The following DOCK1 variants were observed in gnomAD, a reference collection of about 807,000 sequenced individuals.
The protein encoded by DOCK1 is dedicator of cytokinesis 1.
Under a neutral mutation model 262.7 loss-of-function variants are expected in DOCK1, and 138 were observed. The observed-to-expected ratio is 0.53, with a 90% CI of 0.46 to 0.61. DOCK1 has a LOEUF of 0.61. Among genes scored for constraint, DOCK1 ranks in the 20% least tolerant of loss-of-function variants. The pLI, the probability that DOCK1 is intolerant of heterozygous loss-of-function variation, is 0.00. For synonymous variants in DOCK1, 866 were observed against 867.4 expected (o/e 1.00, Z 0.03); for missense variants, 1,908 against 2,370.7 (o/e 0.80, Z 4.05).
At position 127,440,511 on chromosome 10, in the gene DOCK1, C is replaced by T. The variant is rs191603041; in HGVS notation, c.5259+1286C>T. The stretch of plus-strand genomic sequence containing the variant: ...TCAAAGGTGAAGTCAGGATTGGAGC[C>T]GCCCTCCCTGGAAATGGGTGGGTGT... On this transcript the variant is annotated intron_variant, in intron 49 of 51. Transcript: ENST00000623213. Among the ~76,000 whole-genome samples the T allele has an allele frequency of 5.9e-5, 9 of 152,232 alleles. No homozygotes were observed. In the East Asian group the frequency reaches 9.7e-4, roughly 16 times the overall value.
chr10:127,125,111 C>T (rs764280607), intron 25 of DOCK1, among the ~76,000 whole-genome samples: 61 of 152,082 alleles, frequency 4.0e-4, no homozygotes, highest in Non-Finnish European at 5.1e-4. Context: ...AGCAAGACTC[C>T]GTCTCAAAAA....
chr10:127,378,354 G>T (rs35769599), intron 35 of DOCK1, among the ~76,000 whole-genome samples: 24,164 of 152,222 alleles, frequency 0.16, 1,971 homozygotes, highest in East Asian at 0.25. Flanking sequence ...TCCCAATGGG[G>T]TTCCTCTGGG....
chr10:127,098,015 T>G (rs531864621), intron 23 of DOCK1, among the ~76,000 whole-genome samples: 1 of 152,300 alleles, frequency 6.6e-6, no homozygotes, highest in African/African-American at 2.4e-5. Flanking sequence ...TCCTTCCCAC[T>G]TTCGTCCCTC....
intron 38 of DOCK1, among the ~76,000 whole-genome samples, chr10:127,389,737 C>T (rs1018872743): frequency 6.6e-6 from 1 of 152,020 alleles, no homozygotes; most frequent in Non-Finnish European, 1.5e-5. Flanking sequence ...TGGGACCGGC[C>T]GGGCGTGGTG....
intron 1 of DOCK1, among the ~76,000 whole-genome samples, chr10:126,911,378 C>G (rs2031733903): frequency 1.3e-5 from 2 of 152,064 alleles, no homozygotes; most frequent in Non-Finnish European, 2.9e-5. Flanking sequence ...ATGAGCGGGT[C>G]CACTGAGCTG....
chr10:127,256,378 G>A (rs1464748649), intron 28 of DOCK1, among the ~76,000 whole-genome samples: 1 of 152,036 alleles, frequency 6.6e-6, no homozygotes, highest in African/African-American at 2.4e-5. Context: ...ACCTAATTAT[G>A]ATTCAGGAGA....
At chr10:126,946,776 A>G (rs1483558494) in intron 1 of DOCK1, among the ~76,000 whole-genome samples, 1 of 152,184 alleles carries the variant, frequency 6.6e-6, no homozygotes, top group East Asian at 1.9e-4. Context: ...ATTTCACTGT[A>G]TGCATTAGCC....
In DOCK1 at chr10:127,368,218, G is replaced by A. The variant is rs188526401; in HGVS notation, c.3433-5563G>A. Reference sequence around the variant, plus strand: ...GCCAGCTCTGTCAAGCTGACCTAAGGCACTCACTGCAGCTCCTCAACAAAA... The same window carrying A: ...GCCAGCTCTGTCAAGCTGACCTAAGACACTCACTGCAGCTCCTCAACAAAA... On this transcript the variant is annotated intron_variant, in intron 33 of 51. Transcript: ENST00000623213. Among the ~76,000 whole-genome samples the A allele has an allele frequency of 1.2e-3, 182 of 152,290 alleles. 1 individual carries two copies. The highest frequency in any genetic ancestry group is 4.3e-3 in the African/African-American group (179 of 41,560).
intron 29 of DOCK1, among the ~76,000 whole-genome samples, chr10:127,266,514 T>C (rs1330579128): frequency 8.3e-6 from 1 of 120,146 alleles, no homozygotes; most frequent in African/African-American, 3.0e-5. Context: ...CACATATATA[T>C]AGACTGTACT....
chr10:127,300,071 C>T (rs879536347), intron 29 of DOCK1, among the ~76,000 whole-genome samples: 1 of 152,046 alleles, frequency 6.6e-6, no homozygotes, highest in Non-Finnish European at 1.5e-5. Context: ...CCAAGCAGAC[C>T]CAGCAAAGGG....
At chr10:127,036,028 A>AAATC (rs1554870820) in intron 18 of DOCK1, among the ~76,000 whole-genome samples, 1 of 150,514 alleles carries the variant, frequency 6.6e-6, no homozygotes, top group Non-Finnish European at 1.5e-5. Context: ...ATAAATAAAT[A>AAATC]AATAAATAAA....
chr10:127,196,355 A>C (rs1359460356), intron 27 of DOCK1, among the ~76,000 whole-genome samples: 1 of 148,654 alleles, frequency 6.7e-6, no homozygotes, highest in African/African-American at 2.4e-5. Context: ...GGAGCCAGCC[A>C]CAGCCACCCG....
At chr10:126,974,064 A>G (rs977439935) in intron 2 of DOCK1, among the ~76,000 whole-genome samples, 6 of 152,210 alleles carry the variant, frequency 3.9e-5, no homozygotes, top group African/African-American at 1.4e-4. Context: ...TTTCTAGCTC[A>G]TGGTGGAAGT....
At position 127,437,055 on chromosome 10, in the gene DOCK1, T is replaced by G. The variant is rs1190285118; in HGVS notation, c.5061-1972T>G. Among the ~76,000 whole-genome samples, 2 of 152,212 alleles carry G rather than the reference T, an allele frequency of 1.3e-5. No homozygotes were observed. The highest frequency in any genetic ancestry group is 1.5e-5 in the Non-Finnish European group (1 of 68,034). ...TCGCATTGTTTAATTCGCGTCTCGA[T>G]TCTCCATATTCCCTGCATATTGGTG... On this transcript the variant is annotated intron_variant, in intron 48 of 51. Coordinates refer to ENST00000623213, the MANE Select transcript of DOCK1 (RefSeq NM_001290223.2). This position sits in a 1 kb window ranked among gnomAD's most constrained non-coding sequence, Gnocchi z 4.4.
At chr10:126,953,534 G>T (rs1221761108) in intron 1 of DOCK1, among the ~76,000 whole-genome samples, 2 of 151,802 alleles carry the variant, frequency 1.3e-5, no homozygotes, top group Non-Finnish European at 2.9e-5. Flanking sequence ...TACTGCTGAT[G>T]GTGGTGGTGG....
chr10:127,006,921 G>T (rs770780359), intron 10 of DOCK1, among the ~76,000 whole-genome samples: 19 of 152,144 alleles, frequency 1.2e-4, no homozygotes, highest in Non-Finnish European at 2.5e-4. Context: ...CTCATCGTGG[G>T]CTGCTGCCTA....
At chr10:127,265,837 C>T (rs1464124639) in intron 29 of DOCK1, among the ~76,000 whole-genome samples, 1 of 152,228 alleles carries the variant, frequency 6.6e-6, no homozygotes, top group African/African-American at 2.4e-5. Context: ...GGGCCTTAAG[C>T]CCTAGAAAGG....
At chr10:126,951,216 T>C (rs1591420998) in intron 1 of DOCK1, among the ~76,000 whole-genome samples, 1 of 151,616 alleles carries the variant, frequency 6.6e-6, no homozygotes, top group Admixed American at 6.6e-5. Flanking sequence ...GTGGTGGTGG[T>C]AATATTGGTG....
chr10:127,386,269 A>G (rs1251977372), intron 38 of DOCK1, among the ~76,000 whole-genome samples: 1 of 152,168 alleles, frequency 6.6e-6, no homozygotes, highest in Non-Finnish European at 1.5e-5. Flanking sequence ...CTGGTTGGAA[A>G]TAAGGATTGG....
Sources: allele counts gnomAD v4.1 joint callset (sites outside exome capture counted in the v4.1 genomes callset), GRCh38; gene constraint gnomAD v4.1.1; non-coding constraint Gnocchi (gnomAD v3.1); transcripts MANE v1.5; gene names NCBI Gene and HGNC (gene_info 2026-07-23, HGNC 2026-07-21).